The following AAK1 variants were observed in gnomAD, a reference collection of about 807,000 sequenced individuals.
AAK1 encodes AP2 associated kinase 1, also known as AP2-associated protein kinase 1.
A neutral mutation model predicts 116.0 loss-of-function variants in AAK1; 37 were observed. That is an observed-to-expected ratio of 0.32 (90% CI 0.25 to 0.42). The LOEUF (loss-of-function observed/expected upper bound fraction) is 0.42. Among genes scored for constraint, AAK1 ranks in the 10% least tolerant of loss-of-function variants. The probability of loss-of-function intolerance (pLI) is 1.00; values close to 1 mark genes in which losing one functional copy is unlikely to be tolerated. For synonymous variants in AAK1, 458 were observed against 439.9 expected, an observed-to-expected ratio of 1.04 and a Z score of -0.51; for missense variants, 919 against 1,170.6, an observed-to-expected ratio of 0.79 and a Z score of 3.14.
chr2:69,641,181 A>T (rs1307341923), intron 2 of AAK1, among the ~76,000 whole-genome samples: 1 of 152,262 alleles, frequency 6.6e-6, no homozygotes, highest in Non-Finnish European at 1.5e-5. Context: ...CGCTTAGGGC[A>T]GCATCATCCG....
intron 2 of AAK1, among the ~76,000 whole-genome samples, chr2:69,563,614 C>G (rs987880119): frequency 6.6e-6 from 1 of 152,144 alleles, no homozygotes; most frequent in African/African-American, 2.4e-5. Context: ...GCCAAAAGAG[C>G]TGGAGGATAC....
chr2:69,583,641 T>A (rs770963165), intron 2 of AAK1, among the ~76,000 whole-genome samples: 3 of 152,226 alleles, frequency 2.0e-5, no homozygotes, highest in Non-Finnish European at 2.9e-5. Flanking sequence ...AAGAGCCCGT[T>A]CAGCATTAGA....
chr2:69,489,794 T>A (rs1675449123), intron 17 of AAK1, among the ~76,000 whole-genome samples: 1 of 152,220 alleles, frequency 6.6e-6, no homozygotes, highest in African/African-American at 2.4e-5. Flanking sequence ...AAACCATTTG[T>A]GACATCTGCA....
At chr2:69,608,481 G>C (rs1673914139) in intron 2 of AAK1, among the ~76,000 whole-genome samples, 1 of 152,218 alleles carries the variant, frequency 6.6e-6, no homozygotes, top group African/African-American at 2.4e-5. Flanking sequence ...TTCAGAATAA[G>C]ATTTAAGGAG....
chr2:69,499,151 G>T (rs1675871698), intron 16 of AAK1, among the ~76,000 whole-genome samples: 1 of 152,174 alleles, frequency 6.6e-6, no homozygotes, highest in South Asian at 2.1e-4. Context: ...CTCCAGGCCT[G>T]CCCTGGGAAG....
chr2:69,501,863 T>C (rs1675991719), intron 16 of AAK1, among the ~76,000 whole-genome samples: 1 of 151,970 alleles, frequency 6.6e-6, no homozygotes, highest in African/African-American at 2.4e-5. Flanking sequence ...CCCAGCTGCT[T>C]GGGAGGCTGA....
intron 20 of AAK1, 90 bp downstream of exon 20, chr2:69,478,860 TA>T: frequency 9.5e-7 from 1 of 1,057,948 alleles, no homozygotes. Context: ...ACTTCACTAG[TA>T]AAGACTTTTG....
At chr2:69,614,052 T>C (rs770739265) in intron 2 of AAK1, among the ~76,000 whole-genome samples, 2 of 151,680 alleles carry the variant, frequency 1.3e-5, no homozygotes, top group Non-Finnish European at 2.9e-5. Flanking sequence ...AACTGATTGT[T>C]AGTGTGGAAA....
At position 69,528,173 on chromosome 2, in the gene AAK1, G is replaced by C. The variant is rs371628705; in HGVS notation, c.872-854C>G. Reference sequence around the variant, plus strand: ...AGGACTTGGAGAAAGACAAGAGAATGCCTGCTGCAAGTAAATAGAGGAGCC... The same window carrying C: ...AGGACTTGGAGAAAGACAAGAGAATCCCTGCTGCAAGTAAATAGAGGAGCC... On this transcript the variant is annotated intron_variant, in intron 8 of 21. Coordinates refer to ENST00000409085, the MANE Select transcript of AAK1 (RefSeq NM_014911.5). Among the ~76,000 whole-genome samples the C allele has an allele frequency of 3.3e-5, 5 of 152,332 alleles. No individual in the cohort carries two copies. In the South Asian group the frequency reaches 6.2e-4, roughly 19 times the overall value.
At chr2:69,559,457 A>G (rs1463035497) in intron 2 of AAK1, among the ~76,000 whole-genome samples, 1 of 152,158 alleles carries the variant, frequency 6.6e-6, no homozygotes, top group African/African-American at 2.4e-5. Flanking sequence ...GTTCTCTTAT[A>G]ATTAATCAGA....
rs1674646312 is a variant in AAK1, at chr2:69,470,697, G to C, written c.*5172C>G. ...CTGAGTCTGGTCATATCCAGTGTAG[G>C]CTGGCAGGCGTCTTATTCTCCTTGA... On this transcript the variant is annotated 3_prime_UTR_variant, in exon 22 of 22. Coordinates refer to ENST00000409085, the MANE Select transcript of AAK1 (RefSeq NM_014911.5). The C allele has an allele frequency of 1.0e-6, 1 of 985,292 alleles. No homozygotes were observed. The highest frequency in any genetic ancestry group is 6.1e-5 in the Admixed American group (1 of 16,262). 61.0% of individuals were successfully genotyped at this position (985,292 alleles called of 1,614,324 possible).
At chr2:69,620,425 C>T (rs1674552945) in intron 2 of AAK1, among the ~76,000 whole-genome samples, 1 of 152,170 alleles carries the variant, frequency 6.6e-6, no homozygotes, top group Non-Finnish European at 1.5e-5. Flanking sequence ...TCAAGCATCT[C>T]CCAAGCTATG....
Position 69,470,104 on chromosome 2 carries a change from TA to T in AAK1, c.*5764del, listed in dbSNP as rs1399611992. 1 of 985,326 alleles carries T rather than the reference TA, an allele frequency of 1.0e-6. No homozygotes were observed. The highest frequency in any genetic ancestry group is 1.1e-4 in the East Asian group (1 of 8,824). The allele number at this position is 985,326 out of a possible 1,614,324, so 61.0% of individuals were successfully genotyped here. Reference sequence around the variant, plus strand: ...CCTACAGAATTAAAATCTGAAGACTTAAATGTCAGGCTGGATATTCCTTAAT... The same window carrying T: ...CCTACAGAATTAAAATCTGAAGACTTAATGTCAGGCTGGATATTCCTTAAT... On this transcript the variant is annotated 3_prime_UTR_variant, in exon 22 of 22. Coordinates refer to ENST00000409085, the MANE Select transcript of AAK1 (RefSeq NM_014911.5).
rs576553231 is a variant in AAK1, at chr2:69,641,943, G to C, written c.163+935C>G. Among the ~76,000 whole-genome samples the C allele has an allele frequency of 2.0e-5, 3 of 152,196 alleles. No homozygotes were observed. In the South Asian group the frequency reaches 6.2e-4, roughly 32 times the overall value. On this transcript the variant is annotated intron_variant, in intron 2 of 21. Transcript: ENST00000409085. The stretch of plus-strand genomic sequence containing the variant: ...ATTGCTTCATGCCAAGGAAATTGCT[G>C]CTTTTATTAAAAATAAAAGCACACT...
chr2:69,589,726 A>AG (rs1163499601), intron 2 of AAK1, among the ~76,000 whole-genome samples: 85 of 147,040 alleles, frequency 5.8e-4, no homozygotes, highest in East Asian at 4.7e-3. Context: ...AAAAAAAAAA[A>AG]AAAGAAAGAA....
In AAK1 at chr2:69,474,063, G is replaced by A; in HGVS notation, c.*1806C>T. ...CCAGCACGGGAAGTATTTAAAGACAGAAGGAAGGCTGGAAGATTCAGACTT... is the reference window on the plus strand; with the variant it reads ...CCAGCACGGGAAGTATTTAAAGACAAAAGGAAGGCTGGAAGATTCAGACTT... On this transcript the variant is annotated 3_prime_UTR_variant, in exon 22 of 22. Transcript: ENST00000409085. 1.0e-6 allele frequency: 1 copy of A among 985,904 alleles called. No individual in the cohort carries two copies. The allele number at this position is 985,904 out of a possible 1,614,324, so 61.1% of individuals were successfully genotyped here.
In AAK1 at chr2:69,488,143, TGTGGAC is replaced by T. The variant is rs1361991214; in HGVS notation, c.2366-5337_2366-5332del. Among the ~76,000 whole-genome samples, 2 of 132,022 alleles carry T rather than the reference TGTGGAC, an allele frequency of 1.5e-5. 1 individual carries two copies. Among genetic ancestry groups the T allele is most frequent in the South Asian group, 4.9e-4 (2 of 4,094 alleles). 86.6% of individuals were successfully genotyped at this position (132,022 alleles called of 152,430 possible). A position where few individuals can be genotyped will look rare whatever the true frequency, so the allele number is the denominator to read the frequency against. On this transcript the variant is annotated intron_variant, in intron 17 of 21. Coordinates refer to ENST00000409085, the MANE Select transcript of AAK1 (RefSeq NM_014911.5). ...TGACTCCAGACTCTAAACGTGTGTG[TGTGGAC>T]GTGTGTGTGTGTGTGTGTGTGTGTG...
intron 17 of AAK1, among the ~76,000 whole-genome samples, chr2:69,492,724 G>A (rs11681089): frequency 0.6 from 90,658 of 150,200 alleles, 27,983 homozygotes; most frequent in East Asian, 0.81. Flanking sequence ...GGATTTCATC[G>A]TATTGGTCAG....
At chr2:69,518,332 T>A (rs1413480333) in intron 12 of AAK1, among the ~76,000 whole-genome samples, 2 of 152,012 alleles carry the variant, frequency 1.3e-5, no homozygotes, top group Admixed American at 1.3e-4. Context: ...ACTATTGTTA[T>A]TTTTTCCTCT....
Sources: allele counts gnomAD v4.1 joint callset (sites outside exome capture counted in the v4.1 genomes callset), GRCh38; gene constraint gnomAD v4.1.1; transcripts MANE v1.5; gene names NCBI Gene and HGNC (gene_info 2026-07-23, HGNC 2026-07-21).